ITGA9: variants seen among roughly 807,000 people sequenced by gnomAD.
ITGA9 encodes the protein integrin alpha-9.
In ITGA9, 56 loss-of-function variants were observed where a neutral mutation model predicts 127.8. The observed-to-expected ratio is 0.44, with a 90% CI of 0.35 to 0.55. ITGA9 has a LOEUF of 0.55. Ranked by LOEUF, ITGA9 falls within the 20% of genes least tolerant of loss-of-function variation. The pLI is 0.00. For missense variants in ITGA9, 1,196 were observed against 1,347.1 expected (o/e 0.89, Z 1.76); for synonymous variants, 508 against 514.5 (o/e 0.99, Z 0.17).
chr3:37,756,169 A>G (rs1459796605), intron 23 of ITGA9, among the ~76,000 whole-genome samples: 1 of 151,806 alleles, frequency 6.6e-6, no homozygotes, highest in Non-Finnish European at 1.5e-5. Flanking sequence ...CAAAAAAAAA[A>G]GGCAAATATT....
chr3:37,567,108 A>T (rs1431373710), intron 15 of ITGA9, among the ~76,000 whole-genome samples: 3 of 152,222 alleles, frequency 2.0e-5, no homozygotes, highest in Non-Finnish European at 4.4e-5. Flanking sequence ...GAGATTGGGT[A>T]AATTATAAAG....
At position 37,629,455 on chromosome 3, in the gene ITGA9, C is replaced by T; in HGVS notation, c.1839+119C>T. On this transcript the variant is annotated intron_variant, in intron 16 of 27. Coordinates refer to ENST00000264741, the MANE Select transcript of ITGA9 (RefSeq NM_002207.3). The surrounding 1 kb of genome is among the most constrained non-coding windows in gnomAD (Gnocchi z 4.5). ...TGCTCAGGAGACCGCAGCCAGGACACACCTCCTCTCTGGGTCTCCCTTTTC... is the reference window on the plus strand; with the variant it reads ...TGCTCAGGAGACCGCAGCCAGGACATACCTCCTCTCTGGGTCTCCCTTTTC... 9.7e-7 allele frequency: 1 copy of T among 1,034,082 alleles called. No homozygotes were observed. Among genetic ancestry groups the T allele is most frequent in the South Asian group, 1.3e-5 (1 of 74,282 alleles). 64.1% of individuals were successfully genotyped at this position (1,034,082 alleles called of 1,614,324 possible).
chr3:37,633,118 T>C (rs1700243125), intron 16 of ITGA9, among the ~76,000 whole-genome samples: 1 of 152,186 alleles, frequency 6.6e-6, no homozygotes, highest in African/African-American at 2.4e-5. Context: ...CCAAGTCTAT[T>C]GAGAAGAGGA....
At chr3:37,484,921 A>G (rs925910129) in intron 4 of ITGA9, among the ~76,000 whole-genome samples, 2 of 152,218 alleles carry the variant, frequency 1.3e-5, no homozygotes, top group East Asian at 1.9e-4. Flanking sequence ...GCCATGTACA[A>G]CATACTGTAT....
chr3:37,593,254 A>ACAATGT (rs952004701), intron 15 of ITGA9, among the ~76,000 whole-genome samples: 1 of 152,230 alleles, frequency 6.6e-6, no homozygotes, highest in Non-Finnish European at 1.5e-5. Context: ...AATACCTACA[A>ACAATGT]CAATGTCAAT....
chr3:37,693,186 T>C (rs1377799778), intron 18 of ITGA9, among the ~76,000 whole-genome samples: 1 of 152,162 alleles, frequency 6.6e-6, no homozygotes, highest in African/African-American at 2.4e-5. Flanking sequence ...GCTAATAAGA[T>C]GTTGCATTGT....
chr3:37,561,832 G>A (rs766102133), intron 15 of ITGA9, among the ~76,000 whole-genome samples: 7 of 152,286 alleles, frequency 4.6e-5, no homozygotes, highest in Middle Eastern at 3.4e-3. Flanking sequence ...GCACAGGCTC[G>A]AGTACAAGCC....
intron 25 of ITGA9, among the ~76,000 whole-genome samples, chr3:37,783,744 T>C (rs1697006196): frequency 6.6e-6 from 1 of 152,212 alleles, no homozygotes; most frequent in African/African-American, 2.4e-5. Flanking sequence ...TTGCTTAAAA[T>C]TATTTCTTGC....
At chr3:37,751,616 C>T (rs779454895) in intron 23 of ITGA9, among the ~76,000 whole-genome samples, 3 of 152,042 alleles carry the variant, frequency 2.0e-5, no homozygotes, top group Non-Finnish European at 4.4e-5. Flanking sequence ...TACTGATCAT[C>T]GAGCCAAGGA....
In ITGA9 at chr3:37,531,987, G is replaced by C. The variant is rs1559529790; in HGVS notation, c.1374-1327G>C. ...CATTTGAGCTGGCTGTTGAAAGGTC[G>C]ACGGGGTTTTATAGGGTGTCCATTG... On this transcript the variant is annotated intron_variant, in intron 13 of 27. Transcript: ENST00000264741. Among the ~76,000 whole-genome samples, 4 of 152,162 alleles carry C rather than the reference G, an allele frequency of 2.6e-5. No individual in the cohort carries two copies. The South Asian group carries it at 8.3e-4, about 32-fold the overall frequency.
intron 15 of ITGA9, among the ~76,000 whole-genome samples, chr3:37,586,622 T>C (rs1045476454): frequency 3.3e-5 from 5 of 152,194 alleles, no homozygotes; most frequent in African/African-American, 1.2e-4. Flanking sequence ...ATCAAATGCA[T>C]TGTGATTGTG....
intron 26 of ITGA9, chr3:37,790,213 G>A (rs1697091505): frequency 1.8e-6 from 1 of 562,304 alleles, no homozygotes; most frequent in Admixed American, 1.9e-5. Context: ...TACCTGCGCG[G>A]AAGACACAAG....
intron 15 of ITGA9, among the ~76,000 whole-genome samples, chr3:37,624,618 T>C (rs1194655377): frequency 6.6e-6 from 1 of 152,106 alleles, no homozygotes; most frequent in Non-Finnish European, 1.5e-5. Context: ...TTTTATTTAT[T>C]TATTTTTGAG....
At chr3:37,793,386 G>A (rs1215576679) in intron 26 of ITGA9, among the ~76,000 whole-genome samples, 7 of 112,818 alleles carry the variant, frequency 6.2e-5, no homozygotes, top group Non-Finnish European at 1.1e-4. Flanking sequence ...CCCCAAACAG[G>A]TCAACACACA....
intron 19 of ITGA9, among the ~76,000 whole-genome samples, chr3:37,733,544 A>G (rs1009941075): frequency 2.3e-5 from 3 of 129,198 alleles, no homozygotes; most frequent in Non-Finnish European, 4.9e-5. Flanking sequence ...AAAAAAAAAA[A>G]GTGAAAGCTT....
chr3:37,732,158 A>G (rs1006087251), intron 18 of ITGA9, among the ~76,000 whole-genome samples: 3 of 152,196 alleles, frequency 2.0e-5, no homozygotes, highest in Admixed American at 6.5e-5. Context: ...CGCTGTGTGC[A>G]GAGTCCAGCC....
chr3:37,634,878 C>T (rs535118664), intron 16 of ITGA9, among the ~76,000 whole-genome samples: 1 of 152,242 alleles, frequency 6.6e-6, no homozygotes, highest in African/African-American at 2.4e-5. Context: ...TAAATTTAGC[C>T]TTGAAATATC....
chr3:37,704,598 C>G (rs531881304), intron 18 of ITGA9, among the ~76,000 whole-genome samples: 1 of 152,300 alleles, frequency 6.6e-6, no homozygotes, highest in East Asian at 1.9e-4. Context: ...CACACTGTCT[C>G]CAACTCCACC....
chr3:37,638,776 A>G (rs1247386693), intron 16 of ITGA9, among the ~76,000 whole-genome samples: 4 of 152,232 alleles, frequency 2.6e-5, no homozygotes, highest in Non-Finnish European at 5.9e-5. Flanking sequence ...GTCTGCCCCC[A>G]CTGATGGCCT....
Sources: gnomAD v4.1 joint callset for allele counts (sites outside exome capture counted in the v4.1 genomes callset) on GRCh38, gnomAD v4.1.1 for gene constraint, Gnocchi (gnomAD v3.1) non-coding constraint, MANE v1.5 for transcripts, NCBI Gene and HGNC (gene_info 2026-07-23, HGNC 2026-07-21) for gene names.